Variants in SMAD2 observed in about 807,000 individuals in gnomAD.
SMAD2 encodes the protein SMAD family member 2.
Under a neutral mutation model 64.4 loss-of-function variants are expected in SMAD2, and 8 were observed. That is an observed-to-expected ratio of 0.12 (90% CI 0.07 to 0.22). SMAD2 has a LOEUF of 0.22. SMAD2 is among the 10% of genes least tolerant of loss of function. The pLI, the probability that SMAD2 is intolerant of heterozygous loss-of-function variation, is 1.00. For missense variants in SMAD2, 289 were observed against 561.2 expected (o/e 0.51, Z 4.90); for synonymous variants, 203 against 195.8 (o/e 1.04, Z -0.31).
At chr18:47,910,082 C>T (rs1005986675) in intron 1 of SMAD2, among the ~76,000 whole-genome samples, 1 of 151,862 alleles carries the variant, frequency 6.6e-6, no homozygotes, top group Admixed American at 6.6e-5. Context: ...TGATACATTC[C>T]TACTAGAGAA....
intron 6 of SMAD2, among the ~76,000 whole-genome samples, chr18:47,856,950 C>T (rs956697653): frequency 6.0e-5 from 9 of 149,738 alleles, no homozygotes; most frequent in East Asian, 5.9e-4. Flanking sequence ...CTCCGCCTCC[C>T]GGGTTCACAC....
chr18:47,917,756 C>G (rs1197219020), intron 1 of SMAD2, among the ~76,000 whole-genome samples: 1 of 152,024 alleles, frequency 6.6e-6, no homozygotes, highest in Non-Finnish European at 1.5e-5. Context: ...TGGGTTCTCC[C>G]TATGTTGTCT....
chr18:47,863,575 C>T (rs1318879669), intron 6 of SMAD2, among the ~76,000 whole-genome samples: 1 of 152,082 alleles, frequency 6.6e-6, no homozygotes, highest in South Asian at 2.1e-4. Flanking sequence ...GCTTATTTCA[C>T]TTAACATACT....
In SMAD2 at chr18:47,834,406, G is replaced by A. The variant is rs1913214325; in HGVS notation, c.*7421C>T. 1 of 207,340 alleles carries A rather than the reference G, an allele frequency of 4.8e-6. No homozygotes were observed. The highest frequency in any genetic ancestry group is 1.9e-4 in the South Asian group (1 of 5,286). The allele number at this position is 207,340 out of a possible 1,614,324, so 12.8% of individuals were successfully genotyped here. A position where few individuals can be genotyped will look rare whatever the true frequency, so the allele number is the denominator to read the frequency against. On this transcript the variant is annotated 3_prime_UTR_variant, in exon 11 of 11. Transcript: ENST00000262160. Reference sequence around the variant, plus strand: ...AAAATCCACATATATACAAAACTCTGCTAAAAGTTTTGTATCCAGGGAAAG... The same window carrying A: ...AAAATCCACATATATACAAAACTCTACTAAAAGTTTTGTATCCAGGGAAAG...
At chr18:47,923,842 A>G (rs796837786) in intron 1 of SMAD2, among the ~76,000 whole-genome samples, 9 of 152,346 alleles carry the variant, frequency 5.9e-5, no homozygotes, top group African/African-American at 2.2e-4. Context: ...TCGAGCAGAA[A>G]TGGCCAATGC....
chr18:47,839,283 A>C lies in SMAD2; in HGVS notation c.*2544T>G, dbSNP rs1913725042. ...GACCTAACACAGTAATGCAAGAGTA[A>C]CCACCAAGATCAGGACCTTCTACCA... On this transcript the variant is annotated 3_prime_UTR_variant, in exon 11 of 11. Transcript: ENST00000262160. The C allele has an allele frequency of 4.3e-6, 1 of 233,306 alleles. No homozygotes were observed. Among genetic ancestry groups the C allele is most frequent in the Admixed American group, 5.6e-5 (1 of 17,780 alleles). The allele number at this position is 233,306 out of a possible 1,614,324, so 14.5% of individuals were successfully genotyped here. A position where few individuals can be genotyped will look rare whatever the true frequency, so the allele number is the denominator to read the frequency against.
At chr18:47,920,036 T>G (rs1450929277) in intron 1 of SMAD2, 2 of 152,316 alleles carry the variant, frequency 1.3e-5, no homozygotes, top group African/African-American at 4.8e-5. Flanking sequence ...TACTACAGAC[T>G]AGGTGGCTTA....
chr18:47,837,968 A>G lies in SMAD2; in HGVS notation c.*3859T>C, dbSNP rs1356410606. 3 of 232,664 alleles carry G rather than the reference A, an allele frequency of 1.3e-5. No homozygotes were observed. The highest frequency in any genetic ancestry group is 2.6e-5 in the Non-Finnish European group (3 of 117,460). The allele number at this position is 232,664 out of a possible 1,614,324, so 14.4% of individuals were successfully genotyped here. A position where few individuals can be genotyped will look rare whatever the true frequency, so the allele number is the denominator to read the frequency against. ...CCACCCTCAGACGAAGAGGGTATCT[A>G]ACACTGAATAAATGCTGAACCTATT... On this transcript the variant is annotated 3_prime_UTR_variant, in exon 11 of 11. Transcript: ENST00000262160.
rs1260348978 is a variant in SMAD2, at chr18:47,812,806, C to T, written c.*29021G>A. On this transcript the variant is annotated 3_prime_UTR_variant, in exon 11 of 11. Transcript: ENST00000262160. ...TCCATGTCACTGTCTCCCCAGGACC[C>T]CCACAGGAGCCTTGCACAGGTATCT... 6.6e-6 allele frequency: 1 copy of T among 152,174 alleles called. No individual in the cohort carries two copies. Among genetic ancestry groups the T allele is most frequent in the African/African-American group, 2.4e-5 (1 of 41,430 alleles). The allele number at this position is 152,174 out of a possible 1,614,324, so 9.4% of individuals were successfully genotyped here.
chr18:47,868,495 G>A (rs1296895979), intron 4 of SMAD2, 38 bp from the exon 5 acceptor site: 2 of 1,589,572 alleles, frequency 1.3e-6, no homozygotes, highest in African/African-American at 1.3e-5. Context: ...ATGGCAAAGA[G>A]CAAAGGGGAG....
At chr18:47,910,747 C>G (rs2144513986) in intron 1 of SMAD2, among the ~76,000 whole-genome samples, 1 of 152,226 alleles carries the variant, frequency 6.6e-6, no homozygotes, top group East Asian at 1.9e-4. Flanking sequence ...TTTCTTTTCT[C>G]TAGCTTAAAG....
intron 6 of SMAD2, among the ~76,000 whole-genome samples, chr18:47,853,039 AAG>A (rs1053361917): frequency 2.0e-5 from 3 of 152,220 alleles, no homozygotes; most frequent in African/African-American, 4.8e-5. Flanking sequence ...ATTGTAGAAT[AAG>A]ATAGGTCAGG....
chr18:47,841,054 G>A lies in SMAD2; in HGVS notation c.*773C>T, dbSNP rs1913897700. On this transcript the variant is annotated 3_prime_UTR_variant, in exon 11 of 11. Coordinates refer to ENST00000262160, the MANE Select transcript of SMAD2 (RefSeq NM_005901.6). ...ATTACTGGTGATGATGTCATGTTAT[G>A]CTGTTTTGATTATGAGGACAAAAAT... 8.6e-6 allele frequency: 2 copies of A among 231,888 alleles called. No homozygotes were observed. The highest frequency in any genetic ancestry group is 1.7e-5 in the Non-Finnish European group (2 of 117,488). 14.4% of individuals were successfully genotyped at this position (231,888 alleles called of 1,614,324 possible). A position where few individuals can be genotyped will look rare whatever the true frequency, so the allele number is the denominator to read the frequency against.
At position 47,836,707 on chromosome 18, in the gene SMAD2, A is replaced by G. The variant is rs1310916756; in HGVS notation, c.*5120T>C. On this transcript the variant is annotated 3_prime_UTR_variant, in exon 11 of 11. Transcript: ENST00000262160. Reference sequence around the variant, plus strand: ...ATAGTTAGCTACAATATTCAAGATAAAACAGTTCCTACTCAAAAAATTACA... The same window carrying G: ...ATAGTTAGCTACAATATTCAAGATAGAACAGTTCCTACTCAAAAAATTACA... 2.3e-5 allele frequency: 5 copies of G among 218,634 alleles called. No homozygotes were observed. In the East Asian group the frequency reaches 3.4e-4, roughly 15 times the overall value. The allele number at this position is 218,634 out of a possible 1,614,324, so 13.5% of individuals were successfully genotyped here. A position where few individuals can be genotyped will look rare whatever the true frequency, so the allele number is the denominator to read the frequency against.
At chr18:47,871,532 T>A (rs972616943) in intron 2 of SMAD2, among the ~76,000 whole-genome samples, 3 of 152,214 alleles carry the variant, frequency 2.0e-5, no homozygotes, top group Non-Finnish European at 4.4e-5. Context: ...GCTTTAGTAC[T>A]ACAGGTGCTG....
Position 47,826,539 on chromosome 18 carries a change from G to T in SMAD2, c.*15288C>A, listed in dbSNP as rs1401742056. ...AACATGCTTGTTTAATGGAGGATAG[G>T]AGGCATGTGGAAAAATGCCAAGTCC... On this transcript the variant is annotated 3_prime_UTR_variant, in exon 11 of 11. Transcript: ENST00000262160. 6.6e-6 allele frequency: 1 copy of T among 152,214 alleles called. No individual in the cohort carries two copies. Among genetic ancestry groups the T allele is most frequent in the African/African-American group, 2.4e-5 (1 of 41,440 alleles). 9.4% of individuals were successfully genotyped at this position (152,214 alleles called of 1,614,324 possible). A position where few individuals can be genotyped will look rare whatever the true frequency, so the allele number is the denominator to read the frequency against.
At chr18:47,884,087 C>T (rs1051722275) in intron 2 of SMAD2, among the ~76,000 whole-genome samples, 1 of 152,200 alleles carries the variant, frequency 6.6e-6, no homozygotes, top group Admixed American at 6.5e-5. Context: ...TCACTGCTCT[C>T]TCAAGTCATT....
At chr18:47,921,744 T>C (rs2034570433) in intron 1 of SMAD2, among the ~76,000 whole-genome samples, 1 of 152,164 alleles carries the variant, frequency 6.6e-6, no homozygotes, top group African/African-American at 2.4e-5. Flanking sequence ...CTCTAGTAAA[T>C]CCCCCAAGGC....
rs989542664 is a variant in SMAD2 at position 47,836,632 on chromosome 18, CAT to C, written c.*5193_*5194del. On this transcript the variant is annotated 3_prime_UTR_variant, in exon 11 of 11. Transcript: ENST00000262160. ...GTATATGTATATATAAATTCATACA[CAT>C]ATATTATTTATTTCCTTCTTAAAAA... The C allele has an allele frequency of 8.4e-5, 18 of 214,208 alleles. No individual in the cohort carries two copies. Among genetic ancestry groups the C allele is most frequent in the African/African-American group, 3.8e-4 (17 of 44,264 alleles). The allele number at this position is 214,208 out of a possible 1,614,324, so 13.3% of individuals were successfully genotyped here. A position where few individuals can be genotyped will look rare whatever the true frequency, so the allele number is the denominator to read the frequency against.
Sources: gnomAD v4.1 joint callset for allele counts (sites outside exome capture counted in the v4.1 genomes callset) on GRCh38, gnomAD v4.1.1 for gene constraint, MANE v1.5 for transcripts, NCBI Gene and HGNC (gene_info 2026-07-23, HGNC 2026-07-21) for gene names.